Variants in TPD52L1 observed in about 807,000 individuals in gnomAD.
TPD52L1 encodes the protein TPD52 like 1.
Under a neutral mutation model 28.7 loss-of-function variants are expected in TPD52L1, and 18 were observed. The observed-to-expected ratio is 0.63, with a 90% CI of 0.43 to 0.93. The LOEUF is 0.93. Among genes scored for constraint, TPD52L1 ranks in the 40% least tolerant of loss-of-function variants. The pLI is 0.00. For missense variants in TPD52L1, 203 were observed against 254.8 expected, an observed-to-expected ratio of 0.80 and a Z score of 1.39; for synonymous variants, 75 against 88.8, an observed-to-expected ratio of 0.84 and a Z score of 0.88.
chr6:125,241,795 A>G (rs1035319840), intron 3 of TPD52L1, among the ~76,000 whole-genome samples: 1 of 144,514 alleles, frequency 6.9e-6, no homozygotes, highest in Non-Finnish European at 1.5e-5. Flanking sequence ...TTTAACTTTT[A>G]TATCTTTTTT....
intron 3 of TPD52L1, among the ~76,000 whole-genome samples, chr6:125,245,649 T>C (rs1266826865): frequency 6.6e-6 from 1 of 152,068 alleles, no homozygotes; most frequent in Non-Finnish European, 1.5e-5. Flanking sequence ...CAAAGGGGAT[T>C]ATGGCTGCCT....
At chr6:125,244,225 CTTTA>C (rs1446232716) in intron 3 of TPD52L1, among the ~76,000 whole-genome samples, 1 of 152,040 alleles carries the variant, frequency 6.6e-6, no homozygotes, top group Non-Finnish European at 1.5e-5. Context: ...ATGGTGTACC[CTTTA>C]TTTATTTATT....
intron 1 of TPD52L1, among the ~76,000 whole-genome samples, chr6:125,168,626 TC>T (rs1791070342): frequency 6.6e-6 from 1 of 151,946 alleles, no homozygotes; most frequent in East Asian, 1.9e-4. Flanking sequence ...TACACCATTC[TC>T]CCACCCCAGC....
At chr6:125,199,409 G>A (rs1189756232) in intron 1 of TPD52L1, among the ~76,000 whole-genome samples, 1 of 152,202 alleles carries the variant, frequency 6.6e-6, no homozygotes, top group Non-Finnish European at 1.5e-5. Context: ...AAGAGGCCAG[G>A]CGCAGTGGCT....
chr6:125,224,841 CTAGT>C (rs1178673894), intron 2 of TPD52L1, among the ~76,000 whole-genome samples: 4 of 152,168 alleles, frequency 2.6e-5, no homozygotes, highest in South Asian at 2.1e-4. Context: ...CTAATTCAGA[CTAGT>C]TAGTTCACTT....
At chr6:125,252,327 G>A (rs1158790591) in intron 4 of TPD52L1, 4 of 351,888 alleles carry the variant, frequency 1.1e-5, no homozygotes, top group African/African-American at 4.2e-5. Flanking sequence ...GAGCTTCTTA[G>A]AATTGAAAAG....
intron 1 of TPD52L1, chr6:125,214,349 T>A (rs1477428760): frequency 1.9e-6 from 1 of 532,818 alleles, no homozygotes; most frequent in African/African-American, 2.1e-5. Context: ...TCTGGGCCAA[T>A]GCCCAGAGAG....
At chr6:125,218,335 G>T (rs1205548534) in intron 1 of TPD52L1, among the ~76,000 whole-genome samples, 1 of 152,210 alleles carries the variant, frequency 6.6e-6, no homozygotes, top group Non-Finnish European at 1.5e-5. Context: ...CATCAGTGAA[G>T]TCAAGCATGT....
At chr6:125,189,771 T>C (rs574096544) in intron 1 of TPD52L1, among the ~76,000 whole-genome samples, 2 of 152,294 alleles carry the variant, frequency 1.3e-5, no homozygotes, top group Non-Finnish European at 2.9e-5. Flanking sequence ...GTTCCAAATC[T>C]GATACTGAAG....
intron 2 of TPD52L1, among the ~76,000 whole-genome samples, chr6:125,227,659 A>G (rs930120096): frequency 2.0e-5 from 3 of 152,244 alleles, no homozygotes; most frequent in South Asian, 2.1e-4. Flanking sequence ...TTTGTTTTCC[A>G]TATTTCAGAA....
chr6:125,165,959 G>A (rs964151277), intron 1 of TPD52L1, among the ~76,000 whole-genome samples: 3 of 152,106 alleles, frequency 2.0e-5, no homozygotes, highest in Non-Finnish European at 2.9e-5. Flanking sequence ...TAAGTCATAG[G>A]ATCTGCGTGC....
chr6:125,154,531 A>G, intron 1 of TPD52L1: 2 of 951,562 alleles, frequency 2.1e-6, no homozygotes, highest in Non-Finnish European at 2.4e-6. Context: ...GCAGATCCAC[A>G]CGTGAGTCCC....
chr6:125,230,017 G>A (rs1486158496), intron 3 of TPD52L1, among the ~76,000 whole-genome samples: 1 of 152,080 alleles, frequency 6.6e-6, no homozygotes, highest in African/African-American at 2.4e-5. Flanking sequence ...AACCCAGGAG[G>A]CAGAGGTTGC....
intron 3 of TPD52L1, among the ~76,000 whole-genome samples, chr6:125,230,511 C>G (rs940746231): frequency 5.9e-5 from 9 of 152,086 alleles, no homozygotes; most frequent in Admixed American, 5.2e-4. Flanking sequence ...TTTCTTTCTC[C>G]TAGGCATAGA....
intron 1 of TPD52L1, chr6:125,209,019 A>G (rs746654911): frequency 1.2e-6 from 1 of 868,104 alleles, no homozygotes; most frequent in Non-Finnish European, 1.4e-6. Flanking sequence ...TATCTCTACC[A>G]TGTGCCTCTG....
rs547778715 is a variant in TPD52L1, at chr6:125,181,767, G to A, written c.19+27797G>A. ...CTAGGACTTGCCAGTTTACATTGGC[G>A]TGGTGCAAGCCATAGATCTTTGGAC... On this transcript the variant is annotated intron_variant, in intron 1 of 6. Transcript: ENST00000534000. Among the ~76,000 whole-genome samples, 102 of 152,254 alleles carry A rather than the reference G, an allele frequency of 6.7e-4. 1 individual carries two copies. The highest frequency in any genetic ancestry group is 1.2e-3 in the Non-Finnish European group (84 of 68,014).
chr6:125,166,551 C>T (rs1261533657), intron 1 of TPD52L1, among the ~76,000 whole-genome samples: 1 of 152,060 alleles, frequency 6.6e-6, no homozygotes, highest in African/African-American at 2.4e-5. Flanking sequence ...TTTTTCTACC[C>T]TCTTAGGTGA....
chr6:125,176,254 G>A (rs1461306960), intron 1 of TPD52L1, among the ~76,000 whole-genome samples: 1 of 152,176 alleles, frequency 6.6e-6, no homozygotes, highest in Non-Finnish European at 1.5e-5. Context: ...CGAGATTTAT[G>A]AGAAAACATG....
rs143639842 is a variant in TPD52L1 at position 125,260,770 on chromosome 6, C to T, written c.487-2064C>T. Reference sequence around the variant, plus strand: ...GGAGTAAGCCGAGATTGCACCACTGCACTCCAGCCTGGGCCACAGAGCAAG... The same window carrying T: ...GGAGTAAGCCGAGATTGCACCACTGTACTCCAGCCTGGGCCACAGAGCAAG... On this transcript the variant is annotated intron_variant, in intron 6 of 6. Coordinates refer to ENST00000534000, the MANE Select transcript of TPD52L1 (RefSeq NM_003287.4). Among the ~76,000 whole-genome samples, 21 of 150,942 alleles carry T rather than the reference C, an allele frequency of 1.4e-4. No homozygotes were observed. The East Asian group carries it at 3.9e-3, about 28-fold the overall frequency.
Sources: gnomAD v4.1 joint callset for allele counts (sites outside exome capture counted in the v4.1 genomes callset) on GRCh38, gnomAD v4.1.1 for gene constraint, MANE v1.5 for transcripts, NCBI Gene and HGNC (gene_info 2026-07-23, HGNC 2026-07-21) for gene names.